The following AGPAT4 variants were observed in gnomAD, a reference collection of about 807,000 sequenced individuals.
AGPAT4 encodes the protein 1-acylglycerol-3-phosphate O-acyltransferase 4.
Under a neutral mutation model 48.0 loss-of-function variants are expected in AGPAT4, and 15 were observed. The ratio of observed to expected loss-of-function variants is 0.31; its 90% CI spans 0.21 to 0.48. The LOEUF is 0.48. Among genes scored for constraint, AGPAT4 ranks in the 20% least tolerant of loss-of-function variants. The probability of loss-of-function intolerance (pLI) is 0.99; values close to 1 mark genes in which losing one functional copy is unlikely to be tolerated. For missense variants in AGPAT4, 314 were observed against 482.5 expected, an observed-to-expected ratio of 0.65 and a Z score of 3.27; for synonymous variants, 178 against 198.7, an observed-to-expected ratio of 0.90 and a Z score of 0.88.
chr6:161,193,545 C>G (rs569668958), intron 2 of AGPAT4, among the ~76,000 whole-genome samples: 1 of 152,352 alleles, frequency 6.6e-6, no homozygotes, highest in East Asian at 1.9e-4. Flanking sequence ...CAGCTCAACT[C>G]AGACCAATAC....
chr6:161,244,272 G>A lies in AGPAT4; in HGVS notation c.-89-11970C>T, dbSNP rs904161807. ...CCCGCAAAGAAGCAGGAAGTCTTCC[G>A]GGCAGGGGTGAGGATGGGGCTGACA... On this transcript the variant is annotated intron_variant, in intron 1 of 8. Coordinates refer to ENST00000320285, the MANE Select transcript of AGPAT4 (RefSeq NM_020133.3). The surrounding 1 kb of genome is among the most constrained non-coding windows in gnomAD (Gnocchi z 4.7). Among the ~76,000 whole-genome samples the A allele has an allele frequency of 5.9e-5, 9 of 152,282 alleles. No homozygotes were observed. Among genetic ancestry groups the A allele is most frequent in the South Asian group, 2.1e-4 (1 of 4,822 alleles).
At position 161,266,963 on chromosome 6, in the gene AGPAT4, G is replaced by A. The variant is rs367712895; in HGVS notation, c.-90+6975C>T. Reference sequence around the variant, plus strand: ...TTGATCTAAGATAAGCACTGGCAGGGTCTTTGCAGATAATAATCTGCCTTT... The same window carrying A: ...TTGATCTAAGATAAGCACTGGCAGGATCTTTGCAGATAATAATCTGCCTTT... On this transcript the variant is annotated intron_variant, in intron 1 of 8. Transcript: ENST00000320285. This position sits in a 1 kb window ranked among gnomAD's most constrained non-coding sequence, Gnocchi z 6.2. 1.3e-5 allele frequency among the ~76,000 whole-genome samples: 2 copies of A among 152,166 alleles called. No individual in the cohort carries two copies. The highest frequency in any genetic ancestry group is 4.1e-4 in the South Asian group (2 of 4,826).
chr6:161,176,194 T>A (rs1780421842), intron 2 of AGPAT4, among the ~76,000 whole-genome samples: 1 of 152,224 alleles, frequency 6.6e-6, no homozygotes, highest in South Asian at 2.1e-4. Flanking sequence ...ATATCCTTGT[T>A]AACTTTCTGT....
In AGPAT4 at chr6:161,246,240, A is replaced by G. The variant is rs1044991346; in HGVS notation, c.-89-13938T>C. ...AACTTTTAAGCAGAATCCAGGACAG[A>G]GTTGTTTAATTCACGCATACATTCA... On this transcript the variant is annotated intron_variant, in intron 1 of 8. Transcript: ENST00000320285. This position sits in a 1 kb window ranked among gnomAD's most constrained non-coding sequence, Gnocchi z 5.5. 2.0e-5 allele frequency among the ~76,000 whole-genome samples: 3 copies of G among 152,192 alleles called. No individual in the cohort carries two copies. Among genetic ancestry groups the G allele is most frequent in the Non-Finnish European group, 4.4e-5 (3 of 68,026 alleles).
chr6:161,152,001 G>A (rs1179719824), intron 5 of AGPAT4, among the ~76,000 whole-genome samples: 1 of 152,248 alleles, frequency 6.6e-6, no homozygotes, highest in South Asian at 2.1e-4. Flanking sequence ...AAGAGGCTGG[G>A]CAGAGGGGAA....
chr6:161,179,308 G>T (rs1431201199), intron 2 of AGPAT4, among the ~76,000 whole-genome samples: 1 of 152,192 alleles, frequency 6.6e-6, no homozygotes, highest in Non-Finnish European at 1.5e-5. Flanking sequence ...ACTCTCTAAG[G>T]TTGCTGAAGA....
rs551571830 is a variant in AGPAT4 at position 161,177,578 on chromosome 6, G to A, written c.179-11161C>T. ...TTTTCAAGGTTTTTAGCTTCTTTGC[G>A]ATTGGTTCAAACATCCTCCTTTAGC... On this transcript the variant is annotated intron_variant, in intron 2 of 8. Transcript: ENST00000320285. This position sits in a 1 kb window ranked among gnomAD's most constrained non-coding sequence, Gnocchi z 5.0. Among the ~76,000 whole-genome samples the A allele has an allele frequency of 1.1e-4, 16 of 152,196 alleles. No individual in the cohort carries two copies. Among genetic ancestry groups the A allele is most frequent in the African/African-American group, 2.9e-4 (12 of 41,526 alleles).
In AGPAT4 at chr6:161,176,938, A is replaced by C. The variant is rs190815534; in HGVS notation, c.179-10521T>G. On this transcript the variant is annotated intron_variant, in intron 2 of 8. Transcript: ENST00000320285. ...CTGGATATGAAATTCTGGGTTGAAA[A>C]TTCTTTTCTTTAAGAATGTTCAATA... Among the ~76,000 whole-genome samples, 9 of 152,248 alleles carry C rather than the reference A, an allele frequency of 5.9e-5. No individual in the cohort carries two copies. In the East Asian group the frequency reaches 1.5e-3, roughly 26 times the overall value.
rs1384611400 is a variant in AGPAT4 at position 161,243,059 on chromosome 6, T to C, written c.-89-10757A>G. ...GCTTGGGCGACAGAGCCAGACTCTGTCTCAAAAAAATTTTTTTTTAATTTA... is the reference window on the plus strand; with the variant it reads ...GCTTGGGCGACAGAGCCAGACTCTGCCTCAAAAAAATTTTTTTTTAATTTA... On this transcript the variant is annotated intron_variant, in intron 1 of 8. Transcript: ENST00000320285. The surrounding 1 kb of genome is among the most constrained non-coding windows in gnomAD (Gnocchi z 4.8). Among the ~76,000 whole-genome samples, 1 of 151,960 alleles carries C rather than the reference T, an allele frequency of 6.6e-6. No individual in the cohort carries two copies. The highest frequency in any genetic ancestry group is 1.5e-5 in the Non-Finnish European group (1 of 67,982).
rs1779529845 is a variant in AGPAT4, at chr6:161,149,568, T to C, written c.665-279A>G. On this transcript the variant is annotated intron_variant, in intron 5 of 8. Coordinates refer to ENST00000320285, the MANE Select transcript of AGPAT4 (RefSeq NM_020133.3). This position sits in a 1 kb window ranked among gnomAD's most constrained non-coding sequence, Gnocchi z 6.5. The stretch of plus-strand genomic sequence containing the variant: ...TCTTTCTTTTCTTTTTTTTTGGAGA[T>C]GGAGTCTCACTCTGTCACCCAGGAG... Among the ~76,000 whole-genome samples, 1 of 152,082 alleles carries C rather than the reference T, an allele frequency of 6.6e-6. No individual in the cohort carries two copies. The highest frequency in any genetic ancestry group is 2.4e-5 in the African/African-American group (1 of 41,414).
Position 161,219,897 on chromosome 6 carries a change from A to AGGCAGGCAGGCAGGC in AGPAT4, c.178+12124_178+12138dup. Among the ~76,000 whole-genome samples the AGGCAGGCAGGCAGGC allele has an allele frequency of 7.2e-6, 1 of 138,380 alleles. No homozygotes were observed. 90.8% of individuals were successfully genotyped at this position (138,380 alleles called of 152,430 possible). A position where few individuals can be genotyped will look rare whatever the true frequency, so the allele number is the denominator to read the frequency against. On this transcript the variant is annotated intron_variant, in intron 2 of 8. Transcript: ENST00000320285. The surrounding 1 kb of genome is among the most constrained non-coding windows in gnomAD (Gnocchi z 4.9). The stretch of plus-strand genomic sequence containing the variant: ...TAGGCAGGCAGGCAGGCAGGCAGGC[A>AGGCAGGCAGGCAGGC]GGCAGGCAGGCAGGCAGGCGGCAGG...
At chr6:161,194,606 C>T (rs1328577791) in intron 2 of AGPAT4, among the ~76,000 whole-genome samples, 1 of 149,836 alleles carries the variant, frequency 6.7e-6, no homozygotes, top group African/African-American at 2.5e-5. Flanking sequence ...GTATGTGTGT[C>T]TATGTATGTG....
chr6:161,154,278 G>A lies in AGPAT4; in HGVS notation c.381C>T (p.Ala127=), dbSNP rs776697690. The A allele has an allele frequency of 3.1e-6, 5 of 1,614,052 alleles. No homozygotes were observed. Among genetic ancestry groups the A allele is most frequent in the Middle Eastern group, 1.6e-4 (1 of 6,084 alleles). Residue 127 remains alanine (A), a synonymous_variant, in exon 4 of 9, where the codon GCC becomes GCT. Coordinates refer to ENST00000320285, the MANE Select transcript of AGPAT4 (RefSeq NM_020133.3). This position sits in a 1 kb window ranked among gnomAD's most constrained non-coding sequence, Gnocchi z 7.8. ...GSKVLAKKEL[A]YVPIIGWMWY... is the part of the protein sequence containing the mutation. ...ACATCCAGCCGATAATTGGGACATA[G>A]GCCAGCTCTTTCTTGGCCAGGACCT...
chr6:161,228,698 C>T (rs1782049011), intron 2 of AGPAT4, among the ~76,000 whole-genome samples: 1 of 140,034 alleles, frequency 7.1e-6, no homozygotes, highest in East Asian at 2.2e-4. Context: ...GCCACCTTTC[C>T]CTAGAGATTA....
rs536851026 is a variant in AGPAT4 at position 161,135,152 on chromosome 6, G to A, written c.*1388C>T. 1 of 152,314 alleles carries A rather than the reference G, an allele frequency of 6.6e-6. No individual in the cohort carries two copies. Among genetic ancestry groups the A allele is most frequent in the South Asian group, 2.1e-4 (1 of 4,822 alleles). The allele number at this position is 152,314 out of a possible 1,614,324, so 9.4% of individuals were successfully genotyped here. A position where few individuals can be genotyped will look rare whatever the true frequency, so the allele number is the denominator to read the frequency against. On this transcript the variant is annotated 3_prime_UTR_variant, in exon 9 of 9. Coordinates refer to ENST00000320285, the MANE Select transcript of AGPAT4 (RefSeq NM_020133.3). ...AACTGCATAGAATAGGCCTTATAAT[G>A]TGTGGCCAGTTTTTGTATAGAGCTG...
chr6:161,241,627 A>G (rs1204489282), intron 1 of AGPAT4, among the ~76,000 whole-genome samples: 5 of 152,258 alleles, frequency 3.3e-5, no homozygotes, highest in African/African-American at 1.2e-4. Flanking sequence ...GCAAACACAG[A>G]TGGAAAACCT....
chr6:161,141,071 C>T lies in AGPAT4; in HGVS notation c.844-1451G>A, dbSNP rs949484424. On this transcript the variant is annotated intron_variant, in intron 7 of 8. Coordinates refer to ENST00000320285, the MANE Select transcript of AGPAT4 (RefSeq NM_020133.3). The surrounding 1 kb of genome is among the most constrained non-coding windows in gnomAD (Gnocchi z 6.7). ...AGTATCTCATACTTTTCTTCTTTTTCATTCAGGGTGTACTGAATCATAGGC... is the reference window on the plus strand; with the variant it reads ...AGTATCTCATACTTTTCTTCTTTTTTATTCAGGGTGTACTGAATCATAGGC... Among the ~76,000 whole-genome samples, 2 of 152,082 alleles carry T rather than the reference C, an allele frequency of 1.3e-5. No homozygotes were observed. Among genetic ancestry groups the T allele is most frequent in the Admixed American group, 1.3e-4 (2 of 15,270 alleles).
At position 161,221,526 on chromosome 6, in the gene AGPAT4, A is replaced by T. The variant is rs1003118760; in HGVS notation, c.178+10510T>A. ...TAGATACCATATTAATGTGTCATTT[A>T]TCACGAAACTGGACTTCACTTTGGA... On this transcript the variant is annotated intron_variant, in intron 2 of 8. Coordinates refer to ENST00000320285, the MANE Select transcript of AGPAT4 (RefSeq NM_020133.3). The surrounding 1 kb of genome is among the most constrained non-coding windows in gnomAD (Gnocchi z 4.5). 6.6e-6 allele frequency among the ~76,000 whole-genome samples: 1 copy of T among 152,254 alleles called. No homozygotes were observed. Among genetic ancestry groups the T allele is most frequent in the African/African-American group, 2.4e-5 (1 of 41,456 alleles).
At position 161,219,416 on chromosome 6, in the gene AGPAT4, T is replaced by C. The variant is rs1331409819; in HGVS notation, c.178+12620A>G. Among the ~76,000 whole-genome samples, 1 of 151,704 alleles carries C rather than the reference T, an allele frequency of 6.6e-6. No individual in the cohort carries two copies. Among genetic ancestry groups the C allele is most frequent in the African/African-American group, 2.4e-5 (1 of 41,288 alleles). On this transcript the variant is annotated intron_variant, in intron 2 of 8. Coordinates refer to ENST00000320285, the MANE Select transcript of AGPAT4 (RefSeq NM_020133.3). The surrounding 1 kb of genome is among the most constrained non-coding windows in gnomAD (Gnocchi z 4.9). The stretch of plus-strand genomic sequence containing the variant: ...AGATAAAAGGAACATAAATAGAAGC[T>C]CTCAGGTTTGTTTTTTCTATACCCC...
Sources: gnomAD v4.1 joint callset for allele counts (sites outside exome capture counted in the v4.1 genomes callset) on GRCh38, gnomAD v4.1.1 for gene constraint, Gnocchi (gnomAD v3.1) non-coding constraint, MANE v1.5 for transcripts, NCBI Gene and HGNC (gene_info 2026-07-23, HGNC 2026-07-21) for gene names.